Variants in ANO3 observed in about 807,000 individuals in gnomAD.
ANO3 encodes anoctamin 3, also known as anoctamin-3.
ANO3 carries 99 observed loss-of-function variants against 144.8 expected under a neutral mutation model. The observed-to-expected ratio is 0.68, with a 90% CI of 0.58 to 0.81. ANO3 has a LOEUF of 0.81. ANO3 is among the 30% of genes least tolerant of loss of function. ANO3 has a pLI of 0.00. For missense variants in ANO3, 905 were observed against 1,202.2 expected (o/e 0.75, Z 3.66); for synonymous variants, 414 against 392.6 (o/e 1.05, Z -0.64).
chr11:26,407,459 T>C (rs1857319158), intron 1 of ANO3, among the ~76,000 whole-genome samples: 1 of 151,826 alleles, frequency 6.6e-6, no homozygotes, highest in Admixed American at 6.6e-5. Flanking sequence ...AAATGAATAT[T>C]TTCAATCAAA....
intron 24 of ANO3, among the ~76,000 whole-genome samples, chr11:26,651,323 C>T (rs1329828955): frequency 6.6e-6 from 1 of 152,128 alleles, no homozygotes; most frequent in Non-Finnish European, 1.5e-5. Context: ...TAGAAAGTAT[C>T]ACATGTAGAG....
chr11:26,572,908 T>C (rs1850882750), intron 14 of ANO3, among the ~76,000 whole-genome samples: 1 of 152,168 alleles, frequency 6.6e-6, no homozygotes, highest in Non-Finnish European at 1.5e-5. Context: ...CTCTCTGGTT[T>C]ACTCTCACTT....
intron 1 of ANO3, among the ~76,000 whole-genome samples, chr11:26,206,886 T>C (rs890466971): frequency 2.0e-5 from 3 of 152,140 alleles, no homozygotes; most frequent in South Asian, 2.1e-4. Context: ...GTCAAGTTAA[T>C]AGGAAATGTA....
At position 26,221,325 on chromosome 11, in the gene ANO3, G is replaced by A. The variant is rs773870451; in HGVS notation, c.154+31995G>A. 8.4e-4 allele frequency among the ~76,000 whole-genome samples: 128 copies of A among 152,314 alleles called. 1 individual carries two copies. The highest frequency in any genetic ancestry group is 8.1e-4 in the Non-Finnish European group (55 of 68,040). On this transcript the variant is annotated intron_variant, in intron 1 of 27. Transcript: ENST00000672621. The stretch of plus-strand genomic sequence containing the variant: ...GGCTTGGGTTCCACTTGTGTACACT[G>A]TGGCATAAGGAAGTCTCGTATAAAT...
At chr11:26,501,278 G>A (rs1125622) in intron 4 of ANO3, among the ~76,000 whole-genome samples, 91,055 of 151,998 alleles carry the variant, frequency 0.6, 27,959 homozygotes, top group East Asian at 0.68. Flanking sequence ...ACTGCCCTTG[G>A]GCAGTCTTCT....
intron 1 of ANO3, among the ~76,000 whole-genome samples, chr11:26,337,672 C>T (rs913117069): frequency 1.3e-5 from 2 of 152,018 alleles, no homozygotes; most frequent in Admixed American, 6.6e-5. Context: ...TAAATGTTAG[C>T]GTAAAAATTA....
intron 1 of ANO3, among the ~76,000 whole-genome samples, chr11:26,262,719 AACACACAC>A (rs144643690): frequency 2.7e-5 from 4 of 149,108 alleles, no homozygotes; most frequent in South Asian, 2.1e-4. Context: ...CCTTATAGTA[AACACACAC>A]ACACACACAC....
At chr11:26,578,169 A>G (rs1851039364) in intron 14 of ANO3, among the ~76,000 whole-genome samples, 1 of 152,174 alleles carries the variant, frequency 6.6e-6, no homozygotes, top group Non-Finnish European at 1.5e-5. Flanking sequence ...TGTTGATAAG[A>G]GTTATATTAA....
At chr11:26,248,050 G>C (rs1416579413) in intron 1 of ANO3, among the ~76,000 whole-genome samples, 1 of 152,076 alleles carries the variant, frequency 6.6e-6, no homozygotes, top group African/African-American at 2.4e-5. Context: ...ATTTTTAAGA[G>C]GAAGGATTGG....
chr11:26,371,328 A>G (rs769312327), intron 1 of ANO3, among the ~76,000 whole-genome samples: 9 of 152,248 alleles, frequency 5.9e-5, no homozygotes, highest in African/African-American at 1.9e-4. Flanking sequence ...GGGAACCTCC[A>G]TGAAGATTTC....
In ANO3 at chr11:26,217,958, A is replaced by G. The variant is rs1564921231; in HGVS notation, c.154+28628A>G. Reference sequence around the variant, plus strand: ...TGTCATCTGCTTTGTGGATATTGTGATAATGATTGGCATTGAACTGTGGGC... The same window carrying G: ...TGTCATCTGCTTTGTGGATATTGTGGTAATGATTGGCATTGAACTGTGGGC... On this transcript the variant is annotated intron_variant, in intron 1 of 27. Coordinates refer to the ANO3 transcript ENST00000672621. 2.6e-5 allele frequency among the ~76,000 whole-genome samples: 4 copies of G among 152,104 alleles called. No individual in the cohort carries two copies. In the South Asian group the frequency reaches 8.3e-4, roughly 31 times the overall value.
At chr11:26,564,785 A>ATATATATATATAT (rs1850498223) in intron 14 of ANO3, among the ~76,000 whole-genome samples, 1 of 95,484 alleles carries the variant, frequency 1.0e-5, no homozygotes, top group Non-Finnish European at 2.2e-5. Context: ...ATATATATAT[A>ATATATATATATAT]AGTTCAGTTG....
chr11:26,565,692 T>G (rs1850548121), intron 14 of ANO3: 1 of 1,613,270 alleles, frequency 6.2e-7, no homozygotes, highest in East Asian at 2.2e-5. Context: ...TTTATCTGAG[T>G]TTAAGTTTGC....
chr11:26,352,017 T>G (rs921209071), intron 1 of ANO3, among the ~76,000 whole-genome samples: 11 of 151,946 alleles, frequency 7.2e-5, no homozygotes, highest in African/African-American at 2.7e-4. Flanking sequence ...CCAGCTGGAG[T>G]TGGGATTTTT....
intron 17 of ANO3, among the ~76,000 whole-genome samples, chr11:26,610,450 C>T (rs1749803342): frequency 6.6e-6 from 1 of 151,540 alleles, no homozygotes; most frequent in African/African-American, 2.4e-5. Flanking sequence ...GCACATAAAC[C>T]CCTTGTCAGA....
In ANO3 at chr11:26,660,649, G is replaced by T. The variant is rs892908860; in HGVS notation, c.*205G>T. ...ACAATGACTTGACGACCTTAAAAAG[G>T]GTTAGATTGACATTGCAGGAAGCCA... On this transcript the variant is annotated 3_prime_UTR_variant, in exon 27 of 27. Coordinates refer to ENST00000256737, the MANE Select transcript of ANO3 (RefSeq NM_031418.4). 4.4e-5 allele frequency: 22 copies of T among 496,504 alleles called. No individual in the cohort carries two copies. The highest frequency in any genetic ancestry group is 6.9e-5 in the Non-Finnish European group (20 of 287,788). The allele number at this position is 496,504 out of a possible 1,614,324, so 30.8% of individuals were successfully genotyped here. A position where few individuals can be genotyped will look rare whatever the true frequency, so the allele number is the denominator to read the frequency against.
chr11:26,371,767 C>T (rs1856264935), intron 1 of ANO3, among the ~76,000 whole-genome samples: 1 of 152,202 alleles, frequency 6.6e-6, no homozygotes, highest in South Asian at 2.1e-4. Flanking sequence ...TTGTATGAGG[C>T]CTATGGCCTT....
chr11:26,298,875 A>C (rs1341792248), intron 1 of ANO3, among the ~76,000 whole-genome samples: 1 of 152,214 alleles, frequency 6.6e-6, no homozygotes, highest in Non-Finnish European at 1.5e-5. Flanking sequence ...ATGACAAAAT[A>C]ATGACTGAAT....
chr11:26,396,657 C>T (rs1372368060), intron 1 of ANO3, among the ~76,000 whole-genome samples: 1 of 151,992 alleles, frequency 6.6e-6, no homozygotes, highest in Non-Finnish European at 1.5e-5. Context: ...ATGAATGAAG[C>T]TGGAAACCAT....
Sources: gnomAD v4.1 joint callset for allele counts (sites outside exome capture counted in the v4.1 genomes callset) on GRCh38, gnomAD v4.1.1 for gene constraint, MANE v1.5 for transcripts, NCBI Gene and HGNC (gene_info 2026-07-23, HGNC 2026-07-21) for gene names.